Variants in SNCAIP observed in about 807,000 individuals in gnomAD.
SNCAIP encodes the protein synphilin-1.
Under a neutral mutation model 86.7 loss-of-function variants are expected in SNCAIP, and 43 were observed. The observed-to-expected ratio is 0.50, with a 90% confidence interval of 0.39 to 0.64. SNCAIP has a LOEUF of 0.64. Ranked by LOEUF, SNCAIP falls within the 30% of genes least tolerant of loss-of-function variation. The probability of loss-of-function intolerance (pLI) is 0.00; values close to 1 mark genes in which losing one functional copy is unlikely to be tolerated. For missense variants in SNCAIP, 981 were observed against 1,103.1 expected (o/e 0.89, Z 1.57); for synonymous variants, 417 against 427.2 (o/e 0.98, Z 0.29).
intron 8 of SNCAIP, among the ~76,000 whole-genome samples, chr5:122,445,469 A>G (rs978047243): frequency 2.0e-5 from 3 of 152,120 alleles, no homozygotes; most frequent in African/African-American, 4.8e-5. Context: ...TAAGGAGTTA[A>G]CACCTGCCTG....
intron 1 of SNCAIP, chr5:122,389,555 A>G (rs994759846): frequency 1.3e-5 from 2 of 152,230 alleles, no homozygotes; most frequent in African/African-American, 2.4e-5. Flanking sequence ...TTGTAAATTG[A>G]AGAAAAGTGA....
chr5:122,359,950 C>T (rs1391961002), intron 1 of SNCAIP, among the ~76,000 whole-genome samples: 1 of 152,116 alleles, frequency 6.6e-6, no homozygotes, highest in Admixed American at 6.6e-5. Context: ...TCAGCTCCTC[C>T]AGAGAGAATC....
intron 1 of SNCAIP, among the ~76,000 whole-genome samples, chr5:122,315,968 T>C (rs1751632027): frequency 6.6e-6 from 1 of 152,094 alleles, no homozygotes; most frequent in South Asian, 2.1e-4. Context: ...AATACTTAAG[T>C]GACTAAAAGA....
At chr5:122,373,942 T>G (rs1259515141) in intron 1 of SNCAIP, among the ~76,000 whole-genome samples, 2 of 152,170 alleles carry the variant, frequency 1.3e-5, no homozygotes, top group African/African-American at 2.4e-5. Context: ...TATCCCAGTT[T>G]AAATTCGTAC....
At chr5:122,460,729 T>C (rs772774584) in intron 10 of SNCAIP, among the ~76,000 whole-genome samples, 5 of 152,214 alleles carry the variant, frequency 3.3e-5, no homozygotes, top group Non-Finnish European at 7.3e-5. Context: ...CAATTTTATG[T>C]TTGCCATGGA....
intron 10 of SNCAIP, chr5:122,452,872 A>G (rs1235366240): frequency 9.1e-6 from 10 of 1,104,270 alleles, no homozygotes; most frequent in South Asian, 1.3e-5. Flanking sequence ...GGACTTGTGC[A>G]TGTGCTGAGC....
intron 1 of SNCAIP, among the ~76,000 whole-genome samples, chr5:122,320,694 C>T (rs531251701): frequency 1.3e-5 from 2 of 152,164 alleles, no homozygotes; most frequent in African/African-American, 2.4e-5. Flanking sequence ...GCAGGCCAAG[C>T]AGTTAATCTC....
intron 6 of SNCAIP, among the ~76,000 whole-genome samples, chr5:122,437,613 A>C (rs1223942450): frequency 6.6e-6 from 1 of 152,228 alleles, no homozygotes; most frequent in African/African-American, 2.4e-5. Flanking sequence ...TGCTAGGCAA[A>C]ACCTTGTTCT....
intron 10 of SNCAIP, 132 bp from the exon 11 acceptor site, chr5:122,463,359 T>A (rs1786936953): frequency 1.5e-6 from 1 of 675,172 alleles, no homozygotes; most frequent in South Asian, 1.7e-5. Context: ...ATTTGCGTAT[T>A]GGAATGAAGT....
chr5:122,410,132 AT>A (rs1773816914), intron 3 of SNCAIP, among the ~76,000 whole-genome samples: 1 of 152,336 alleles, frequency 6.6e-6, no homozygotes, highest in South Asian at 2.1e-4. Flanking sequence ...AATTATTTTT[AT>A]TGTTTAACAA....
chr5:122,453,036 C>T (rs1784031993), intron 10 of SNCAIP: 13 of 1,318,246 alleles, frequency 9.9e-6, no homozygotes, highest in Non-Finnish European at 1.4e-5. Context: ...CATTGACATG[C>T]TTTGCTTTGA....
intron 1 of SNCAIP, among the ~76,000 whole-genome samples, chr5:122,371,993 T>A (rs1332290696): frequency 6.6e-6 from 1 of 152,104 alleles, no homozygotes; most frequent in East Asian, 1.9e-4. Context: ...ACTATCTTAG[T>A]AGCCAATTAG....
chr5:122,436,473 A>G (rs995617320), intron 6 of SNCAIP: 1 of 152,186 alleles, frequency 6.6e-6, no homozygotes, highest in African/African-American at 2.4e-5. Flanking sequence ...TTGCAAAGGA[A>G]TTATTAAGGC....
intron 1 of SNCAIP, chr5:122,371,418 A>G (rs987933884): frequency 1.3e-5 from 2 of 152,166 alleles, no homozygotes; most frequent in Non-Finnish European, 2.9e-5. Flanking sequence ...CAAGCAAGTC[A>G]TCTTGAGCTG....
intron 1 of SNCAIP, among the ~76,000 whole-genome samples, chr5:122,367,631 T>C (rs550766205): frequency 5.6e-4 from 85 of 152,012 alleles, no homozygotes; most frequent in Non-Finnish European, 9.6e-4. Flanking sequence ...CCCACAACTG[T>C]TTGCCAAGGA....
At chr5:122,359,387 A>G (rs1028821922) in intron 1 of SNCAIP, among the ~76,000 whole-genome samples, 2 of 26,356 alleles carry the variant, frequency 7.6e-5, no homozygotes, top group African/African-American at 1.9e-4. Flanking sequence ...ATTTTGAGAC[A>G]GAGTCTTGCT....
At chr5:122,460,199 G>A (rs1785821430) in intron 10 of SNCAIP, among the ~76,000 whole-genome samples, 1 of 151,440 alleles carries the variant, frequency 6.6e-6, no homozygotes, top group Non-Finnish European at 1.5e-5. Context: ...TTGGCTCACA[G>A]CATCCTCTAA....
chr5:122,422,797 T>C, intron 3 of SNCAIP, 71 bp from the exon 4 acceptor site: 1 of 1,290,194 alleles, frequency 7.8e-7, no homozygotes, highest in East Asian at 2.4e-5. Context: ...ATGAACCACA[T>C]CTACCTGCAT....
At chr5:122,403,951 C>A (rs533451226) in intron 3 of SNCAIP, 86 bp downstream of exon 3, 2 of 983,720 alleles carry the variant, frequency 2.0e-6, no homozygotes, top group African/African-American at 1.6e-5. Flanking sequence ...ACTGGTCCCC[C>A]CTGCTTTCAG....
Sources: gnomAD v4.1 joint callset for allele counts (sites outside exome capture counted in the v4.1 genomes callset) on GRCh38, gnomAD v4.1.1 for gene constraint, MANE v1.5 for transcripts, NCBI Gene and HGNC (gene_info 2026-07-23, HGNC 2026-07-21) for gene names.